PDZK1: variants seen among roughly 807,000 people sequenced by gnomAD.
PDZK1 encodes the protein PDZ domain containing 1, also known as Na(+)/H(+) exchange regulatory cofactor NHE-RF3.
PDZK1 carries 23 observed loss-of-function variants against 38.1 expected under a neutral mutation model. The observed-to-expected ratio is 0.60, with a 90% CI of 0.43 to 0.85. The LOEUF (loss-of-function observed/expected upper bound fraction) is 0.85. Ranked by LOEUF, PDZK1 falls within the 40% of genes least tolerant of loss-of-function variation. The probability of loss-of-function intolerance (pLI) is 0.00; values close to 1 mark genes in which losing one functional copy is unlikely to be tolerated. For synonymous variants in PDZK1, 98 were observed against 186.2 expected, an observed-to-expected ratio of 0.53 and a Z score of 3.86; for missense variants, 297 against 504.3, an observed-to-expected ratio of 0.59 and a Z score of 3.94.
intron 1 of PDZK1, among the ~76,000 whole-genome samples, chr1:145,701,072 GCACA>G (rs1655931038): frequency 2.0e-5 from 3 of 151,954 alleles, no homozygotes; most frequent in Non-Finnish European, 2.9e-5. Context: ...GGGTGTGGTG[GCACA>G]CGCCTGTAGT....
At chr1:145,699,400 C>T (rs1655828567) in intron 1 of PDZK1, among the ~76,000 whole-genome samples, 1 of 152,094 alleles carries the variant, frequency 6.6e-6, no homozygotes, top group South Asian at 2.1e-4. Flanking sequence ...CTCAGTGACA[C>T]AGCAAGACTC....
chr1:145,676,679 T>A (rs1308320252), intron 6 of PDZK1, among the ~76,000 whole-genome samples: 3 of 143,238 alleles, frequency 2.1e-5, no homozygotes, highest in Non-Finnish European at 4.5e-5. Flanking sequence ...TGAGCTGAGA[T>A]GGCACCACTG....
chr1:145,672,840 T>G lies in PDZK1; in HGVS notation c.1396A>C (p.Lys466Gln), dbSNP rs587743777. The change falls in exon 8 of 9, where the codon AAG becomes CAG. Residue 466 changes from lysine to glutamine, a missense_variant. Around this residue, in one of 5 missense-constraint regions of PDZK1, gnomAD observed 54 missense variants for 72.1 expected, o/e 0.75. Coordinates refer to ENST00000417171, the MANE Select transcript of PDZK1 (RefSeq NM_001201325.2). ...AGGGAGGAAACAATAGGGATTTTCT[T>G]AGCTTGGAAATAATCATAGGCCTTC... is the stretch of plus-strand genomic sequence containing the variant. The part of the protein sequence containing the change: ...GKKAYDYFQA[K>Q]KIPIVSSLAD... 21 of 1,611,400 alleles carry G rather than the reference T, an allele frequency of 1.3e-5. No individual in the cohort carries two copies. The East Asian group carries it at 4.5e-4, about 34-fold the overall frequency.
chr1:145,696,570 A>G (rs1366781955), intron 1 of PDZK1, among the ~76,000 whole-genome samples: 1 of 152,222 alleles, frequency 6.6e-6, no homozygotes, highest in African/African-American at 2.4e-5. Flanking sequence ...GTGAGGACAC[A>G]GGGAGAAGAC....
chr1:145,695,453 AGAG>A (rs1277790020), intron 1 of PDZK1, among the ~76,000 whole-genome samples: 2 of 151,844 alleles, frequency 1.3e-5, no homozygotes, highest in African/African-American at 4.8e-5. Context: ...AGAGAGAGAA[AGAG>A]GAGAGCAAGA....
At chr1:145,678,027 T>G (rs1553699632) in intron 6 of PDZK1, among the ~76,000 whole-genome samples, 2 of 129,196 alleles carry the variant, frequency 1.5e-5, no homozygotes, top group South Asian at 5.7e-4. Context: ...TTGGTCTATC[T>G]GTGTTTCTTT....
At chr1:145,701,861 T>C (rs193068448) in intron 1 of PDZK1, among the ~76,000 whole-genome samples, 9 of 152,336 alleles carry the variant, frequency 5.9e-5, no homozygotes, top group African/African-American at 2.2e-4. Context: ...AGATCCTATA[T>C]TTTTATGCAG....
Position 145,672,108 on chromosome 1 carries a change from T to C in PDZK1, c.1507-619A>G, listed in dbSNP as rs1653125708. On this transcript the variant is annotated intron_variant, in intron 8 of 8. Coordinates refer to ENST00000417171, the MANE Select transcript of PDZK1 (RefSeq NM_001201325.2). ...GACCTCAAGTTCATCTATGAAAAAT[T>C]GGGCAAAAATATAAAACTGAGACTT... Among the ~76,000 whole-genome samples, 7 of 152,286 alleles carry C rather than the reference T, an allele frequency of 4.6e-5. No individual in the cohort carries two copies. The South Asian group carries it at 1.5e-3, about 32-fold the overall frequency.
intron 1 of PDZK1, among the ~76,000 whole-genome samples, chr1:145,701,444 G>GA (rs1307889820): frequency 6.6e-6 from 1 of 151,968 alleles, no homozygotes; most frequent in Admixed American, 6.6e-5. Flanking sequence ...ACTTTAGCAA[G>GA]AAAAAAGCCA....
intron 1 of PDZK1, among the ~76,000 whole-genome samples, chr1:145,706,046 G>T (rs1656228275): frequency 6.6e-6 from 1 of 152,174 alleles, no homozygotes; most frequent in Non-Finnish European, 1.5e-5. Flanking sequence ...GAGCCACCAT[G>T]CAGGACCACA....
intron 2 of PDZK1, 24 bp downstream of exon 2, chr1:145,687,787 GA>G: frequency 6.3e-7 from 1 of 1,575,732 alleles, no homozygotes; most frequent in Non-Finnish European, 8.7e-7. Context: ...GATCCTGGAA[GA>G]AAAGCCCCAA....
intron 5 of PDZK1, 22 bp downstream of exon 5, chr1:145,680,890 G>GT (rs1553700183): frequency 4.8e-6 from 2 of 414,652 alleles, no homozygotes. Flanking sequence ...TTACTGCCAA[G>GT]TTTCCTGCTC....
chr1:145,695,195 C>T (rs1553703940), intron 1 of PDZK1, among the ~76,000 whole-genome samples: 2 of 151,826 alleles, frequency 1.3e-5, no homozygotes, highest in African/African-American at 4.8e-5. Flanking sequence ...CAGAGGTGGG[C>T]AGATCACTTG....
chr1:145,674,821 A>G (rs1653481966), intron 6 of PDZK1, among the ~76,000 whole-genome samples: 1 of 152,104 alleles, frequency 6.6e-6, no homozygotes, highest in Non-Finnish European at 1.5e-5. Flanking sequence ...TCATACCTGT[A>G]TCTATATCCT....
Position 145,680,905 on chromosome 1 carries a change from A to G in PDZK1, c.793+7T>C. 3.9e-6 allele frequency: 2 copies of G among 510,822 alleles called. No individual in the cohort carries two copies. Among genetic ancestry groups the G allele is most frequent in the Non-Finnish European group, 6.8e-6 (2 of 294,248 alleles). 31.6% of individuals were successfully genotyped at this position (510,822 alleles called of 1,614,324 possible). On this transcript the variant is annotated splice_region_variant and intron_variant, in intron 5 of 8. Transcript: ENST00000417171. Reference sequence around the variant, plus strand: ...TTACTGCCAAGTTTCCTGCTCTTGTACCTTACCTTTCTGTTCTGAGCCTGC... The same window carrying G: ...TTACTGCCAAGTTTCCTGCTCTTGTGCCTTACCTTTCTGTTCTGAGCCTGC...
chr1:145,688,784 C>A (rs1411148731), intron 1 of PDZK1, among the ~76,000 whole-genome samples: 2 of 152,094 alleles, frequency 1.3e-5, no homozygotes, highest in Admixed American at 1.3e-4. Flanking sequence ...TATGGTGAAA[C>A]CCCAGCTCTA....
intron 2 of PDZK1, 124 bp downstream of exon 2, chr1:145,687,688 G>A: frequency 1.3e-6 from 1 of 760,986 alleles, no homozygotes; most frequent in Non-Finnish European, 2.3e-6. Flanking sequence ...CAATAAAGGT[G>A]TCCTGCCTTG....
chr1:145,677,017 C>T, intron 6 of PDZK1, among the ~76,000 whole-genome samples: 1 of 152,278 alleles, frequency 6.6e-6, no homozygotes, highest in Middle Eastern at 3.4e-3. Flanking sequence ...CCCTCTCTTA[C>T]AACTAAGGAA....
intron 1 of PDZK1, among the ~76,000 whole-genome samples, chr1:145,693,445 T>G (rs1022533980): frequency 1.1e-4 from 16 of 151,912 alleles, no homozygotes; most frequent in Admixed American, 3.3e-4. Flanking sequence ...CCTAAAGACC[T>G]AAACCAGATC....
Sources: gnomAD v4.1 joint callset for allele counts (sites outside exome capture counted in the v4.1 genomes callset) on GRCh38, gnomAD v4.1.1 for gene constraint, gnomAD v4.1.1 regional missense constraint, MANE v1.5 for transcripts, NCBI Gene and HGNC (gene_info 2026-07-23, HGNC 2026-07-21) for gene names.